Variants in KIAA1671 observed in about 807,000 individuals in gnomAD.
The protein encoded by KIAA1671 is uncharacterized protein KIAA1671.
Under a neutral mutation model 131.2 loss-of-function variants are expected in KIAA1671, and 52 were observed. The ratio of observed to expected loss-of-function variants is 0.40; its 90% CI spans 0.32 to 0.50. The LOEUF (loss-of-function observed/expected upper bound fraction) is 0.50. KIAA1671 is among the 20% of genes least tolerant of loss of function. KIAA1671 has a pLI of 0.73. For synonymous variants in KIAA1671, 1,003 were observed against 961.6 expected, an observed-to-expected ratio of 1.04 and a Z score of -0.80; for missense variants, 2,360 against 2,364.2, an observed-to-expected ratio of 1.00 and a Z score of 0.04.
intron 1 of KIAA1671, among the ~76,000 whole-genome samples, chr22:24,974,366 G>A (rs1922800145): frequency 6.6e-6 from 1 of 152,096 alleles, no homozygotes; most frequent in Admixed American, 6.6e-5. Context: ...ACTGTGTTAG[G>A]TCCTTTAGTT....
chr22:24,962,998 C>T (rs780025222), intron 1 of KIAA1671, among the ~76,000 whole-genome samples: 24 of 152,198 alleles, frequency 1.6e-4, no homozygotes, highest in Non-Finnish European at 2.9e-4. Flanking sequence ...TGAATGCACT[C>T]AGCAGGCTTC....
intron 6 of KIAA1671, among the ~76,000 whole-genome samples, chr22:25,094,927 G>T (rs1168360222): frequency 6.6e-6 from 1 of 152,050 alleles, no homozygotes; most frequent in Non-Finnish European, 1.5e-5. Flanking sequence ...CCACTTGTTT[G>T]TTCCCCAGCT....
chr22:25,018,166 A>G (rs973662690), intron 1 of KIAA1671, among the ~76,000 whole-genome samples: 2 of 151,906 alleles, frequency 1.3e-5, no homozygotes, highest in African/African-American at 4.8e-5. Context: ...CACCTCCCAA[A>G]TTTCAGTGTT....
rs112260570 is a variant in KIAA1671 at position 25,032,935 on chromosome 22, C to T, written c.1629+239C>T. Among the ~76,000 whole-genome samples, 569 of 152,034 alleles carry T rather than the reference C, an allele frequency of 3.7e-3. 4 individuals carry two copies. The highest frequency in any genetic ancestry group is 7.3e-3 in the Admixed American group (112 of 15,264). ...AATGTTATCAGGCATTTTTTTTCTT[C>T]GCAAAGAGGCAGAGGGGCATGGCTT... On this transcript the variant is annotated intron_variant, in intron 4 of 12. Transcript: ENST00000358431.
chr22:25,024,151 C>G (rs1335934954), intron 1 of KIAA1671: 3 of 152,076 alleles, frequency 2.0e-5, no homozygotes, highest in Admixed American at 2.0e-4. Flanking sequence ...GACCAAGGGA[C>G]TTAATTTATC....
At chr22:25,003,962 C>A (rs1049114231) in intron 1 of KIAA1671, among the ~76,000 whole-genome samples, 5 of 150,668 alleles carry the variant, frequency 3.3e-5, no homozygotes, top group African/African-American at 9.8e-5. Flanking sequence ...GGATTACAGG[C>A]GCGCGCCACC....
intron 6 of KIAA1671, among the ~76,000 whole-genome samples, chr22:25,068,331 G>A (rs1247580643): frequency 1.3e-5 from 2 of 152,254 alleles, no homozygotes; most frequent in Non-Finnish European, 2.9e-5. Flanking sequence ...TGGGAGTGGG[G>A]CGCTGAGAAT....
intron 1 of KIAA1671, among the ~76,000 whole-genome samples, chr22:25,020,260 G>C (rs944010763): frequency 2.0e-5 from 3 of 152,086 alleles, no homozygotes; most frequent in African/African-American, 7.2e-5. Context: ...CATTTGAACA[G>C]CACAAGTTGT....
intron 6 of KIAA1671, among the ~76,000 whole-genome samples, chr22:25,109,346 G>T (rs1931210667): frequency 6.6e-6 from 1 of 152,068 alleles, no homozygotes. Context: ...TTGACCTTGT[G>T]ATCCACCCGC....
intron 1 of KIAA1671, among the ~76,000 whole-genome samples, chr22:24,985,748 A>ATGTGTG (rs59858869): frequency 8.7e-4 from 120 of 138,358 alleles, no homozygotes; most frequent in African/African-American, 2.8e-3. Context: ...GTGTGTGTGT[A>ATGTGTG]TGTGTGTGTG....
intron 6 of KIAA1671, among the ~76,000 whole-genome samples, chr22:25,160,918 C>T (rs1933422510): frequency 6.6e-6 from 1 of 152,212 alleles, no homozygotes; most frequent in Non-Finnish European, 1.5e-5. Context: ...TACATCCTGA[C>T]TTCTCTCTCA....
intron 1 of KIAA1671, among the ~76,000 whole-genome samples, chr22:25,001,261 G>GTA (rs1214210203): frequency 2.6e-5 from 4 of 151,792 alleles, no homozygotes; most frequent in East Asian, 1.9e-4. Context: ...GTATGTGTGT[G>GTA]TATATATATG....
At chr22:25,015,781 G>C (rs1425387784) in intron 1 of KIAA1671, among the ~76,000 whole-genome samples, 1 of 152,080 alleles carries the variant, frequency 6.6e-6, no homozygotes, top group Non-Finnish European at 1.5e-5. Context: ...TTTGGGGAAG[G>C]CCATCTCAAG....
chr22:25,078,750 G>A (rs551601900), intron 6 of KIAA1671, among the ~76,000 whole-genome samples: 2 of 152,286 alleles, frequency 1.3e-5, no homozygotes, highest in East Asian at 3.9e-4. Flanking sequence ...GTCTGTGGCT[G>A]AAATAGAAGA....
intron 6 of KIAA1671, among the ~76,000 whole-genome samples, chr22:25,086,076 G>T (rs1456248461): frequency 1.3e-5 from 2 of 152,208 alleles, no homozygotes; most frequent in Non-Finnish European, 2.9e-5. Flanking sequence ...TAGTGGCTGT[G>T]TCTTGTTTCA....
intron 6 of KIAA1671, among the ~76,000 whole-genome samples, chr22:25,086,130 A>G (rs1266235833): frequency 6.6e-6 from 1 of 152,372 alleles, no homozygotes; most frequent in African/African-American, 2.4e-5. Context: ...GTACACAGCA[A>G]GTGCTCATTA....
At chr22:25,051,611 C>G (rs1187523150) in intron 6 of KIAA1671, 1 of 152,330 alleles carries the variant, frequency 6.6e-6, no homozygotes, top group Non-Finnish European at 1.5e-5. Flanking sequence ...TCCTCCCCTT[C>G]CTCTCCTCTG....
chr22:24,986,887 GAGGTCAC>G (rs1654199936), intron 1 of KIAA1671, among the ~76,000 whole-genome samples: 1 of 151,908 alleles, frequency 6.6e-6, no homozygotes, highest in South Asian at 2.1e-4. Flanking sequence ...TTGCCCTCTG[GAGGTCAC>G]AGCCTAAAGC....
intron 6 of KIAA1671, among the ~76,000 whole-genome samples, chr22:25,110,288 T>G (rs1931264353): frequency 6.6e-6 from 1 of 152,198 alleles, no homozygotes; most frequent in Non-Finnish European, 1.5e-5. Flanking sequence ...AAACAAATAT[T>G]TGTTCAAAAC....
Sources: gnomAD v4.1 joint callset for allele counts (sites outside exome capture counted in the v4.1 genomes callset) on GRCh38, gnomAD v4.1.1 for gene constraint, MANE v1.5 for transcripts, NCBI Gene and HGNC (gene_info 2026-07-23, HGNC 2026-07-21) for gene names.